Variants in FRMD3 observed in about 807,000 individuals in gnomAD.
FRMD3 encodes FERM domain-containing protein 3.
FRMD3 carries 33 observed loss-of-function variants against 70.2 expected under a neutral mutation model. That is an observed-to-expected ratio of 0.47 (90% CI 0.36 to 0.63). The LOEUF (loss-of-function observed/expected upper bound fraction) is 0.63, where lower values mean the gene tolerates loss of function less well. Ranked by LOEUF, FRMD3 falls within the 20% of genes least tolerant of loss-of-function variation. FRMD3 has a pLI of 0.00. For missense variants in FRMD3, 632 were observed against 711.4 expected (o/e 0.89, Z 1.27); for synonymous variants, 279 against 255.9 (o/e 1.09, Z -0.86).
intron 6 of FRMD3, among the ~76,000 whole-genome samples, chr9:83,319,792 A>G (rs143123153): frequency 7.0e-4 from 107 of 152,254 alleles, no homozygotes; most frequent in African/African-American, 2.4e-3. Flanking sequence ...TCTCTGCACA[A>G]GCTCTCTCTT....
Position 83,245,777 on chromosome 9 carries a change from A to G in FRMD3, c.*2141T>C, listed in dbSNP as rs4877741. ...GGACTAATTTTGTGCAGACTACACT[A>G]AAGTTGCCTTATGTCAGAAAGGATG... On this transcript the variant is annotated 3_prime_UTR_variant, in exon 14 of 14. Coordinates refer to ENST00000304195, the MANE Select transcript of FRMD3 (RefSeq NM_174938.6). The G allele has an allele frequency of 0.8, 791,338 of 983,904 alleles. 318,689 individuals carry two copies. The highest frequency in any genetic ancestry group is 0.96 in the East Asian group (8,464 of 8,810). The allele number at this position is 983,904 out of a possible 1,614,324, so 60.9% of individuals were successfully genotyped here. A position where few individuals can be genotyped will look rare whatever the true frequency, so the allele number is the denominator to read the frequency against.
upstream of FRMD3, among the ~76,000 whole-genome samples, chr9:83,543,309 T>A (rs1830019018): frequency 6.6e-6 from 1 of 151,660 alleles, no homozygotes; most frequent in Non-Finnish European, 1.5e-5. Context: ...GGACTTGGGG[T>A]CCCATGGAAA....
the FRMD3 span, among the ~76,000 whole-genome samples, chr9:83,544,821 A>T: frequency 1.3e-5 from 2 of 152,226 alleles, no homozygotes; most frequent in Non-Finnish European, 2.9e-5. Flanking sequence ...AGCACCAAGA[A>T]GCAAAGCCAA....
At chr9:83,528,602 T>C (rs1829732648) in intron 1 of FRMD3, among the ~76,000 whole-genome samples, 1 of 152,070 alleles carries the variant, frequency 6.6e-6, no homozygotes, top group Non-Finnish European at 1.5e-5. Flanking sequence ...CAGTCACAGC[T>C]CACTGCAGCC....
rs1313258366 is a variant in FRMD3, at chr9:83,377,565, C to T, written c.253-4610G>A. On this transcript the variant is annotated intron_variant, in intron 2 of 13. Coordinates refer to ENST00000304195, the MANE Select transcript of FRMD3 (RefSeq NM_174938.6). ...TTTAGCACCTTCCTCTTGGTGCTGT[C>T]CTTGTGATAGTGAGTTCTTGCAAGA... 7.2e-5 allele frequency among the ~76,000 whole-genome samples: 11 copies of T among 152,074 alleles called. No homozygotes were observed. The East Asian group carries it at 2.1e-3, about 30-fold the overall frequency.
rs1399985619 is a variant in FRMD3, at chr9:83,537,751, C to A, written c.147+334G>T. Among the ~76,000 whole-genome samples the A allele has an allele frequency of 1.3e-5, 2 of 152,214 alleles. No homozygotes were observed. Among genetic ancestry groups the A allele is most frequent in the East Asian group, 1.9e-4 (1 of 5,174 alleles). ...CTCTCAGCCCTCGGAGCTCCCATCT[C>A]CTGGCGGAGTAGGGCCCAGAGGGGC... On this transcript the variant is annotated intron_variant, in intron 1 of 13. Coordinates refer to ENST00000304195, the MANE Select transcript of FRMD3 (RefSeq NM_174938.6). The surrounding 1 kb of genome is among the most constrained non-coding windows in gnomAD (Gnocchi z 4.1).
At chr9:83,415,215 G>T (rs185443453) in intron 1 of FRMD3, among the ~76,000 whole-genome samples, 10 of 152,220 alleles carry the variant, frequency 6.6e-5, no homozygotes, top group Non-Finnish European at 1.5e-4. Context: ...TTCCATTGTT[G>T]AACCCGACTG....
the FRMD3 span, among the ~76,000 whole-genome samples, chr9:83,581,566 T>A: frequency 1.3e-5 from 2 of 152,140 alleles, no homozygotes; most frequent in South Asian, 4.1e-4. Flanking sequence ...CCCAAAAGGT[T>A]AAACACAGAC....
intron 1 of FRMD3, among the ~76,000 whole-genome samples, chr9:83,440,045 C>T (rs1464717521): frequency 6.6e-6 from 1 of 152,186 alleles, no homozygotes; most frequent in African/African-American, 2.4e-5. Flanking sequence ...ATAGCCATTA[C>T]AAAAACCAGA....
At chr9:83,429,681 G>A (rs1004850122) in intron 1 of FRMD3, among the ~76,000 whole-genome samples, 1 of 152,156 alleles carries the variant, frequency 6.6e-6, no homozygotes, top group African/African-American at 2.4e-5. Context: ...ATGTGTGCAT[G>A]ATGCCAGGTG....
chr9:83,341,704 T>C (rs1458421796), intron 5 of FRMD3, among the ~76,000 whole-genome samples: 4 of 152,074 alleles, frequency 2.6e-5, no homozygotes, highest in African/African-American at 9.7e-5. Flanking sequence ...GTGCTTTAAA[T>C]GGGAAAATAC....
chr9:83,558,261 CGTGT>C, the FRMD3 span, among the ~76,000 whole-genome samples: 8 of 151,242 alleles, frequency 5.3e-5, no homozygotes, highest in Admixed American at 5.3e-4. Context: ...AACGCATGCA[CGTGT>C]GTGTGTGTGT....
chr9:83,298,361 G>A (rs376570423), intron 12 of FRMD3, among the ~76,000 whole-genome samples: 1 of 152,182 alleles, frequency 6.6e-6, no homozygotes, highest in Non-Finnish European at 1.5e-5. Flanking sequence ...CCCATGAAAG[G>A]TCAGCCCGGA....
In FRMD3 at chr9:83,524,277, C is replaced by A. The variant is rs1829640754; in HGVS notation, c.147+13808G>T. 2.0e-5 allele frequency among the ~76,000 whole-genome samples: 3 copies of A among 152,128 alleles called. No homozygotes were observed. The South Asian group carries it at 6.2e-4, about 31-fold the overall frequency. On this transcript the variant is annotated intron_variant, in intron 1 of 13. Coordinates refer to ENST00000304195, the MANE Select transcript of FRMD3 (RefSeq NM_174938.6). ...CTTCTGGGGAGCTAATTTGAAATTT[C>A]AAACTACAAGCAATATTTGTACCAT... is the stretch of plus-strand genomic sequence containing the variant.
rs1280229764 is a variant in FRMD3 at position 83,349,765 on chromosome 9, A to G, written c.296-8T>C. 5 of 1,602,752 alleles carry G rather than the reference A, an allele frequency of 3.1e-6. No individual in the cohort carries two copies. The highest frequency in any genetic ancestry group is 3.3e-5 in the Admixed American group (2 of 59,772). On this transcript the variant is annotated splice_region_variant and splice_polypyrimidine_tract_variant and intron_variant, in intron 3 of 13. Coordinates refer to ENST00000304195, the MANE Select transcript of FRMD3 (RefSeq NM_174938.6). The stretch of plus-strand genomic sequence containing the variant: ...TGGTGTATGGTGGATGAGCTGAAAC[A>G]TCATAAAGAAAAGGCATGAGAAAAG...
chr9:83,261,284 A>C (rs948753234), intron 13 of FRMD3, among the ~76,000 whole-genome samples: 2 of 152,128 alleles, frequency 1.3e-5, no homozygotes, highest in African/African-American at 4.8e-5. Flanking sequence ...CTTAGGCTTC[A>C]TCCTTGCAGA....
chr9:83,570,643 C>T, the FRMD3 span, among the ~76,000 whole-genome samples: 3 of 152,138 alleles, frequency 2.0e-5, no homozygotes, highest in Admixed American at 2.0e-4. Flanking sequence ...ACACAGGGAC[C>T]AGTTAGCAAT....
intron 1 of FRMD3, among the ~76,000 whole-genome samples, chr9:83,507,675 A>G (rs1465709452): frequency 8.5e-6 from 1 of 117,218 alleles, no homozygotes; most frequent in African/African-American, 3.2e-5. Context: ...GTCTCAAACA[A>G]AAAAAAATAT....
At position 83,389,634 on chromosome 9, in the gene FRMD3, G is replaced by A; in HGVS notation, c.222C>T (p.Gly74=). ...GCTTCTCTGGGTCCACATAGCGAATGCCAAAGTAGTCCTTCTCCAGCAGGC... is the reference window on the plus strand; with the variant it reads ...GCTTCTCTGGGTCCACATAGCGAATACCAAAGTAGTCCTTCTCCAGCAGGC... ...YYSLLEKDYF[G]IRYVDPEKQR... Residue 74 remains glycine (G), a synonymous_variant, in exon 2 of 14, where the codon GGC becomes GGT. Transcript: ENST00000304195. The A allele has an allele frequency of 6.2e-7, 1 of 1,613,810 alleles. No homozygotes were observed. The highest frequency in any genetic ancestry group is 8.5e-7 in the Non-Finnish European group (1 of 1,179,742).
Sources: allele counts gnomAD v4.1 joint callset (sites outside exome capture counted in the v4.1 genomes callset), GRCh38; gene constraint gnomAD v4.1.1; non-coding constraint Gnocchi (gnomAD v3.1); transcripts MANE v1.5; gene names NCBI Gene and HGNC (gene_info 2026-07-23, HGNC 2026-07-21).